The following ITSN1 variants were observed in gnomAD, a reference collection of about 807,000 sequenced individuals.
ITSN1 encodes the protein intersectin-1.
Under a neutral mutation model 239.8 loss-of-function variants are expected in ITSN1, and 58 were observed. That is an observed-to-expected ratio of 0.24 (90% confidence interval 0.20 to 0.30). The LOEUF is 0.30. Ranked by LOEUF, ITSN1 falls within the 10% of genes least tolerant of loss-of-function variation. ITSN1 has a pLI of 1.00. For missense variants in ITSN1, 1,558 were observed against 2,103.3 expected, an observed-to-expected ratio of 0.74 and a Z score of 5.07; for synonymous variants, 780 against 770.8, an observed-to-expected ratio of 1.01 and a Z score of -0.20.
Position 33,802,436 on chromosome 21 carries a change from G to A in ITSN1, c.2311G>A (p.Gly771Arg), listed in dbSNP as rs1402702053. 1.2e-6 allele frequency: 2 copies of A among 1,613,620 alleles called. No individual in the cohort carries two copies. Among genetic ancestry groups the A allele is most frequent in the Non-Finnish European group, 1.7e-6 (2 of 1,179,778 alleles). Residue 771 changes from glycine (G) to arginine (R), a missense_variant, in exon 20 of 40, where the codon GGG becomes AGG. Coordinates refer to ENST00000381318, the MANE Select transcript of ITSN1 (RefSeq NM_003024.3). ...CTTTGCTTTCCTGGTGGAGGTTAAA[G>A]GGGAATGGGTAAGTGTTGCCTAACT... Reference protein sequence around the residue: ...IQPGDIVMVKGEWVDESQTGE... With the variant: ...IQPGDIVMVKREWVDESQTGE...
intron 31 of ITSN1, among the ~76,000 whole-genome samples, chr21:33,860,593 G>A (rs756123969): frequency 4.6e-5 from 7 of 152,240 alleles, no homozygotes; most frequent in Admixed American, 3.9e-4. Flanking sequence ...TCCTCCTGTC[G>A]GCTCTGACTT....
rs768402573 is a variant in ITSN1 at position 33,704,811 on chromosome 21, G to T, written c.-32-13986G>T. Among the ~76,000 whole-genome samples the T allele has an allele frequency of 4.0e-5, 6 of 151,636 alleles. No homozygotes were observed. The South Asian group carries it at 1.3e-3, about 32-fold the overall frequency. ...ATCAGTTGTAAAGACAATCTTGGCCGGGCGCGGTGGCTCACACCTGTAATC... is the reference window on the plus strand; with the variant it reads ...ATCAGTTGTAAAGACAATCTTGGCCTGGCGCGGTGGCTCACACCTGTAATC... On this transcript the variant is annotated intron_variant, in intron 1 of 39. Coordinates refer to ENST00000381318, the MANE Select transcript of ITSN1 (RefSeq NM_003024.3).
rs534013814 is a variant in ITSN1, at chr21:33,856,962, T to C, written c.3783+105T>C. On this transcript the variant is annotated intron_variant, in intron 30 of 39. Coordinates refer to ENST00000381318, the MANE Select transcript of ITSN1 (RefSeq NM_003024.3). Reference sequence around the variant, plus strand: ...TGTCCTGATTCTGAGCCCAAGAAACTTTCTGATGTTTGAGGAGCATCTGGA... The same window carrying C: ...TGTCCTGATTCTGAGCCCAAGAAACCTTCTGATGTTTGAGGAGCATCTGGA... The C allele has an allele frequency of 7.2e-5, 81 of 1,124,094 alleles. No individual in the cohort carries two copies. In the East Asian group the frequency reaches 2.0e-3, roughly 27 times the overall value. The allele number at this position is 1,124,094 out of a possible 1,614,324, so 69.6% of individuals were successfully genotyped here.
At position 33,880,114 on chromosome 21, in the gene ITSN1, G is replaced by A. The variant is rs556155119; in HGVS notation, c.4342-2129G>A. On this transcript the variant is annotated intron_variant, in intron 34 of 39. Coordinates refer to ENST00000381318, the MANE Select transcript of ITSN1 (RefSeq NM_003024.3). ...ATGATGTTCATGGTGATGGGAAGGG[G>A]ATGTGTTGACTTCTGTCTCCTGACC... Among the ~76,000 whole-genome samples the A allele has an allele frequency of 3.3e-5, 5 of 152,322 alleles. No homozygotes were observed. The South Asian group carries it at 1.0e-3, about 32-fold the overall frequency.
intron 25 of ITSN1, among the ~76,000 whole-genome samples, chr21:33,825,539 G>C (rs531656913): frequency 1.8e-4 from 27 of 152,188 alleles, no homozygotes; most frequent in African/African-American, 6.5e-4. Flanking sequence ...GTGCAGGGAG[G>C]ACAGAACATG....
chr21:33,846,296 T>C (rs2074988988), intron 29 of ITSN1, among the ~76,000 whole-genome samples: 1 of 152,130 alleles, frequency 6.6e-6, no homozygotes, highest in African/African-American at 2.4e-5. Flanking sequence ...CGCTGCCACC[T>C]CTCCTGCTCC....
chr21:33,664,190 G>T (rs1293590445), intron 1 of ITSN1, among the ~76,000 whole-genome samples: 1 of 152,158 alleles, frequency 6.6e-6, no homozygotes, highest in Non-Finnish European at 1.5e-5. Context: ...TGGCTAGGAA[G>T]GTCAAGTTAG....
At chr21:33,690,277 C>T (rs1490253125) in intron 1 of ITSN1, among the ~76,000 whole-genome samples, 3 of 150,736 alleles carry the variant, frequency 2.0e-5, no homozygotes, top group African/African-American at 7.3e-5. Context: ...GACTCTGTCT[C>T]AAAAAGAATT....
At position 33,895,796 on chromosome 21, in the gene ITSN1, A is replaced by C. The variant is rs1006219721; in HGVS notation, c.*7496A>C. ...CTGTGCCTTGGAGAGGGAAACAGGA[A>C]ATACGTTGCTCCACAGTCCTGTCAT... On this transcript the variant is annotated 3_prime_UTR_variant, in exon 40 of 40. Transcript: ENST00000381318. The C allele has an allele frequency of 6.6e-6, 1 of 152,256 alleles. No individual in the cohort carries two copies. The highest frequency in any genetic ancestry group is 1.5e-5 in the Non-Finnish European group (1 of 68,082). The allele number at this position is 152,256 out of a possible 1,614,324, so 9.4% of individuals were successfully genotyped here. A position where few individuals can be genotyped will look rare whatever the true frequency, so the allele number is the denominator to read the frequency against.
intron 7 of ITSN1, among the ~76,000 whole-genome samples, chr21:33,752,603 G>A (rs189254132): frequency 5.7e-4 from 86 of 152,156 alleles, no homozygotes; most frequent in Middle Eastern, 3.4e-3. Context: ...CAGAACTTTT[G>A]GGCCGGGTGT....
At chr21:33,867,610 G>A (rs145306574) in intron 33 of ITSN1, among the ~76,000 whole-genome samples, 4 of 149,468 alleles carry the variant, frequency 2.7e-5, no homozygotes, top group East Asian at 2.0e-4. Flanking sequence ...AGCCCAGCCT[G>A]GGCAGCATAA....
intron 33 of ITSN1, among the ~76,000 whole-genome samples, chr21:33,870,832 G>C (rs1982581057): frequency 6.6e-6 from 1 of 152,214 alleles, no homozygotes; most frequent in African/African-American, 2.4e-5. Flanking sequence ...GGTCTGAGGG[G>C]AGTGGGTGAA....
chr21:33,875,331 G>T, intron 33 of ITSN1, 23 bp from the exon 34 acceptor site: 2 of 1,614,060 alleles, frequency 1.2e-6, no homozygotes, highest in Non-Finnish European at 1.7e-6. Flanking sequence ...AAAGGAGGTG[G>T]TTGTTTTTAT....
chr21:33,649,827 C>T (rs986239429), intron 1 of ITSN1, among the ~76,000 whole-genome samples: 1 of 151,702 alleles, frequency 6.6e-6, no homozygotes, highest in African/African-American at 2.4e-5. Context: ...CCAGCCTGGC[C>T]AACATGGTGA....
intron 1 of ITSN1, among the ~76,000 whole-genome samples, chr21:33,671,421 G>A (rs1261746374): frequency 6.6e-6 from 1 of 151,716 alleles, no homozygotes; most frequent in African/African-American, 2.4e-5. Context: ...GGAGTAGCTG[G>A]GATTACAGGC....
chr21:33,885,044 T>C lies in ITSN1; in HGVS notation c.4680T>C (p.Thr1560=). The change falls in exon 37 of 40, where the codon ACT becomes ACC. Residue 1560 remains threonine (T), a synonymous_variant. Transcript: ENST00000381318. ...TTTCTGTCTTTTTCTGTCCAAGGAC[T>C]GCCTGGGTGCAGAAAATCAAAGCTG... The part of the protein sequence containing the change: ...TLRAESINER[T]AWVQKIKAAS... The C allele has an allele frequency of 6.2e-7, 1 of 1,613,942 alleles. No individual in the cohort carries two copies. The highest frequency in any genetic ancestry group is 8.5e-7 in the Non-Finnish European group (1 of 1,179,794).
At chr21:33,668,853 G>C (rs1339734101) in intron 1 of ITSN1, among the ~76,000 whole-genome samples, 4 of 152,190 alleles carry the variant, frequency 2.6e-5, no homozygotes, top group African/African-American at 9.6e-5. Flanking sequence ...AAGGGCAGTA[G>C]GTGGCTCCTC....
At chr21:33,858,628 G>A in intron 30 of ITSN1, 58 bp from the exon 31 acceptor site, 1 of 1,078,402 alleles carries the variant, frequency 9.3e-7, no homozygotes, top group Non-Finnish European at 1.4e-6. Context: ...ATCGGCGTGT[G>A]AGTGTGTGAG....
intron 11 of ITSN1, among the ~76,000 whole-genome samples, chr21:33,768,932 T>C (rs966318960): frequency 5.9e-5 from 9 of 152,234 alleles, no homozygotes; most frequent in African/African-American, 1.9e-4. Flanking sequence ...CTTTAAAATA[T>C]ATTAGAGGAT....
Sources: allele counts gnomAD v4.1 joint callset (sites outside exome capture counted in the v4.1 genomes callset), GRCh38; gene constraint gnomAD v4.1.1; transcripts MANE v1.5; gene names NCBI Gene and HGNC (gene_info 2026-07-23, HGNC 2026-07-21).